Variants in MITD1 observed in about 807,000 individuals in gnomAD.
MITD1 encodes MIT domain-containing protein 1.
MITD1 carries 24 observed loss-of-function variants against 34.9 expected under a neutral mutation model. The observed-to-expected ratio is 0.69, with a 90% confidence interval of 0.50 to 0.97. The LOEUF (loss-of-function observed/expected upper bound fraction) is 0.97, where lower values mean the gene tolerates loss of function less well. MITD1 is among the 50% of genes least tolerant of loss of function. MITD1 has a pLI of 0.00. For missense variants in MITD1, 266 were observed against 294.6 expected (o/e 0.90, Z 0.71); for synonymous variants, 102 against 101.4 (o/e 1.01, Z -0.04).
At position 99,180,969 on chromosome 2, in the gene MITD1, C is replaced by G. The variant is rs1406933621; in HGVS notation, c.13G>C (p.Gly5Arg). Residue 5 changes from glycine (G) to arginine (R), a missense_variant, in exon 1 of 7, where the codon GGG becomes CGG. By Grantham distance (125) the Gly-to-Arg change is moderately radical. Coordinates refer to ENST00000289359, the MANE Select transcript of MITD1 (RefSeq NM_138798.3). MAKS[G>R]LRQDPQSTAA... The stretch of plus-strand genomic sequence containing the variant: ...GTGCTCTGCGGGTCCTGCCTCAGCC[C>G]GGACTTCGCCATAATTCTGGAAGTT... The G allele has an allele frequency of 6.2e-7, 1 of 1,613,482 alleles. No homozygotes were observed.
intron 1 of MITD1, among the ~76,000 whole-genome samples, chr2:99,175,456 T>G (rs2093881791): frequency 6.6e-6 from 1 of 152,242 alleles, no homozygotes; most frequent in Non-Finnish European, 1.5e-5. Context: ...TTATGCATTT[T>G]TGGCAAGAAA....
At chr2:99,162,607 A>T (rs2093804781) in intron 7 of MITD1, 1 of 1,613,954 alleles carries the variant, frequency 6.2e-7, no homozygotes, top group Admixed American at 1.7e-5. Flanking sequence ...AATCTTTTGG[A>T]AAAGGATCCC....
chr2:99,166,858 A>AATATATAT (rs10584187), downstream of MITD1, among the ~76,000 whole-genome samples: 2,334 of 114,848 alleles, frequency 0.02, 64 homozygotes, highest in Non-Finnish European at 0.028. Flanking sequence ...TGGGGTTTTA[A>AATATATAT]ATATATATAT....
intron 7 of MITD1, among the ~76,000 whole-genome samples, chr2:99,163,493 A>C (rs1277339944): frequency 2.0e-5 from 3 of 151,496 alleles, no homozygotes; most frequent in African/African-American, 7.3e-5. Flanking sequence ...TGCCCAGCTA[A>C]TTTTTTCTAT....
At chr2:99,166,033 T>C (rs1332924085), downstream of MITD1, among the ~76,000 whole-genome samples, 1 of 152,106 alleles carries the variant, frequency 6.6e-6, no homozygotes, top group East Asian at 1.9e-4. Flanking sequence ...CTAGATGTGA[T>C]TTTTCACTCC....
intron 1 of MITD1, 153 bp downstream of exon 1, chr2:99,180,678 C>A: frequency 1.5e-6 from 1 of 674,778 alleles, no homozygotes. Flanking sequence ...TAAAAGAAAG[C>A]GGCCCAGTTG....
intron 2 of MITD1, 71 bp downstream of exon 2, chr2:99,173,844 G>C (rs1365089932): frequency 1.0e-6 from 1 of 963,436 alleles, no homozygotes; most frequent in Non-Finnish European, 1.7e-6. Flanking sequence ...CAAAGGGCAG[G>C]AGCCAGAAAC....
chr2:99,165,061 C>CACACACACATACACATAT (rs370053233), downstream of MITD1, among the ~76,000 whole-genome samples: 1 of 135,192 alleles, frequency 7.4e-6, no homozygotes, highest in Non-Finnish European at 1.6e-5. Context: ...CACACACACA[C>CACACACACATACACATAT]ATATATATAT....
intron 1 of MITD1, among the ~76,000 whole-genome samples, chr2:99,174,996 G>A (rs550621003): frequency 6.6e-6 from 1 of 152,324 alleles, no homozygotes; most frequent in East Asian, 1.9e-4. Flanking sequence ...AAAGTGCTGG[G>A]ATTACAGGCG....
At chr2:99,166,502 AAC>A (rs1553516008), downstream of MITD1, among the ~76,000 whole-genome samples, 1 of 151,440 alleles carries the variant, frequency 6.6e-6, no homozygotes, top group East Asian at 1.9e-4. Context: ...AAAAAAAAAA[AAC>A]ATACAGAGAA....
Position 99,171,580 on chromosome 2 carries a change from A to C in MITD1, c.320T>G (p.Phe107Cys). 6.2e-7 allele frequency: 1 copy of C among 1,613,286 alleles called. No individual in the cohort carries two copies. The highest frequency in any genetic ancestry group is 1.3e-5 in the African/African-American group (1 of 75,036). Residue 107 changes from phenylalanine (F) to cysteine (C), a missense_variant, in exon 3 of 7, where the codon TTT becomes TGT. Phe to Cys is a radical substitution (Grantham distance 205). Transcript: ENST00000289359. ...NATGFSYESL[F>C]REYLNETVTE... ...AACTGTCTCATTAAGGTATTCGCGAAAAAGTGACTCATAACTGAAACCTGT... is the reference window on the plus strand; with the variant it reads ...AACTGTCTCATTAAGGTATTCGCGACAAAGTGACTCATAACTGAAACCTGT...
At chr2:99,175,304 T>C (rs1039334615) in intron 1 of MITD1, among the ~76,000 whole-genome samples, 42 of 152,224 alleles carry the variant, frequency 2.8e-4, no homozygotes, top group Non-Finnish European at 1.0e-4. Context: ...TATGTGTCCT[T>C]AGTCTCCTCC....
downstream of MITD1, chr2:99,161,656 G>T (rs186848515): frequency 4.6e-3 from 964 of 210,686 alleles, 6 homozygotes; most frequent in Non-Finnish European, 7.7e-3. Context: ...TGGGCAACAT[G>T]GTGAAATCCT....
intron 5 of MITD1, 25 bp downstream of exon 5, chr2:99,170,495 TATATCAACTGCATAAAA>T (rs749289729): frequency 4.2e-6 from 3 of 722,170 alleles, no homozygotes; most frequent in South Asian, 4.9e-5. Context: ...ATTTTAAGTA[TATATCAACTGCATAAAA>T]ATTAAAACAT....
intron 1 of MITD1, among the ~76,000 whole-genome samples, chr2:99,180,144 T>G (rs1319690881): frequency 6.6e-6 from 1 of 152,198 alleles, no homozygotes; most frequent in Non-Finnish European, 1.5e-5. Context: ...ACTTGTCTCC[T>G]CCACAACCCT....
rs750365818 is a variant in MITD1 at position 99,180,976 on chromosome 2, C to T, written c.6G>A (p.Ala2=). The T allele has an allele frequency of 1.2e-6, 2 of 1,613,240 alleles. No individual in the cohort carries two copies. The highest frequency in any genetic ancestry group is 1.7e-5 in the Admixed American group (1 of 59,894). The change falls in exon 1 of 7, where the codon GCG becomes GCA. Residue 2 remains alanine (A), a synonymous_variant. Coordinates refer to ENST00000289359, the MANE Select transcript of MITD1 (RefSeq NM_138798.3). M[A]KSGLRQDPQS... is the part of the protein sequence containing the mutation. ...GCGGGTCCTGCCTCAGCCCGGACTT[C>T]GCCATAATTCTGGAAGTTCTCCTCC... is the stretch of plus-strand genomic sequence containing the variant.
At chr2:99,165,009 CA>C (rs1408664391), downstream of MITD1, among the ~76,000 whole-genome samples, 6 of 142,206 alleles carry the variant, frequency 4.2e-5, no homozygotes, top group African/African-American at 1.6e-4. Context: ...AGAGAGGAGT[CA>C]AAATGGCATA....
intron 7 of MITD1, chr2:99,163,208 A>C (rs2105204055): frequency 1.8e-6 from 1 of 547,720 alleles, no homozygotes; most frequent in East Asian, 3.2e-5. Context: ...ACAACAACCT[A>C]GTCTCTTTCA....
downstream of MITD1, among the ~76,000 whole-genome samples, chr2:99,168,910 G>T (rs568378470): frequency 1.9e-4 from 27 of 141,472 alleles, no homozygotes; most frequent in Non-Finnish European, 2.4e-4. Context: ...CTCCCAAGTA[G>T]CTAGGACTAT....
Sources: gnomAD v4.1 joint callset for allele counts (sites outside exome capture counted in the v4.1 genomes callset) on GRCh38, gnomAD v4.1.1 for gene constraint, MANE v1.5 for transcripts, NCBI Gene and HGNC (gene_info 2026-07-23, HGNC 2026-07-21) for gene names.